Variants in PCDH9 observed in about 807,000 individuals in gnomAD.
PCDH9 encodes the protein protocadherin 9, also known as protocadherin-9.
Under a neutral mutation model 70.6 loss-of-function variants are expected in PCDH9, and 24 were observed. That is an observed-to-expected ratio of 0.34 (90% CI 0.25 to 0.48). The LOEUF is 0.48. Ranked by LOEUF, PCDH9 falls within the 20% of genes least tolerant of loss-of-function variation. The probability of loss-of-function intolerance (pLI) is 0.99; values close to 1 mark genes in which losing one functional copy is unlikely to be tolerated. For synonymous variants in PCDH9, 562 were observed against 558.5 expected (o/e 1.01, Z -0.09); for missense variants, 1,281 against 1,503.6 (o/e 0.85, Z 2.45).
At position 66,679,529 on chromosome 13, in the gene PCDH9, G is replaced by A. The variant is rs370188171; in HGVS notation, c.3139-48118C>T. Among the ~76,000 whole-genome samples, 21 of 151,830 alleles carry A rather than the reference G, an allele frequency of 1.4e-4. 1 individual carries two copies. In the East Asian group the frequency reaches 3.1e-3, roughly 22 times the overall value. ...TCAACTCAATATAACCTTCTCATGTGTGTTTAATTTTTTTTTGCTCCAAAT... is the reference window on the plus strand; with the variant it reads ...TCAACTCAATATAACCTTCTCATGTATGTTTAATTTTTTTTTGCTCCAAAT... On this transcript the variant is annotated intron_variant, in intron 3 of 4. Transcript: ENST00000377865.
chr13:66,581,920 A>C (rs556910678), intron 4 of PCDH9, among the ~76,000 whole-genome samples: 8 of 152,304 alleles, frequency 5.3e-5, no homozygotes, highest in African/African-American at 1.9e-4. Flanking sequence ...ATGACTATTC[A>C]TATGGATATG....
At chr13:66,942,463 A>C (rs1256338345) in intron 2 of PCDH9, among the ~76,000 whole-genome samples, 3 of 151,968 alleles carry the variant, frequency 2.0e-5, no homozygotes, top group African/African-American at 7.2e-5. Flanking sequence ...AAAACAAAGA[A>C]ATGTTCCAAT....
At chr13:67,043,242 T>C (rs913874484) in intron 2 of PCDH9, among the ~76,000 whole-genome samples, 5 of 152,148 alleles carry the variant, frequency 3.3e-5, no homozygotes, top group South Asian at 2.1e-4. Context: ...AGCTTGGAGA[T>C]TGTATTGCTG....
intron 3 of PCDH9, among the ~76,000 whole-genome samples, chr13:66,809,016 C>G (rs887573320): frequency 6.6e-6 from 1 of 152,154 alleles, no homozygotes; most frequent in African/African-American, 2.4e-5. Context: ...GGCGCTATCT[C>G]GGCTCACTGC....
chr13:67,179,236 T>C (rs1392916806), intron 2 of PCDH9, among the ~76,000 whole-genome samples: 1 of 152,084 alleles, frequency 6.6e-6, no homozygotes, highest in Non-Finnish European at 1.5e-5. Context: ...TAGTTATTGT[T>C]CAATGCCCAT....
intron 4 of PCDH9, among the ~76,000 whole-genome samples, chr13:66,500,608 A>G (rs1353563652): frequency 6.6e-6 from 1 of 152,024 alleles, no homozygotes; most frequent in African/African-American, 2.4e-5. Flanking sequence ...TTTTGTTGGT[A>G]TTATCCACAA....
At chr13:67,147,660 C>T (rs1020611412) in intron 2 of PCDH9, among the ~76,000 whole-genome samples, 1 of 152,090 alleles carries the variant, frequency 6.6e-6, no homozygotes, top group Non-Finnish European at 1.5e-5. Flanking sequence ...TGGAATAAGG[C>T]CAGGGAATTT....
At chr13:66,619,568 C>T (rs988917622) in intron 4 of PCDH9, among the ~76,000 whole-genome samples, 5 of 152,108 alleles carry the variant, frequency 3.3e-5, no homozygotes. Context: ...TACAACTTTT[C>T]AGTACCTATT....
chr13:66,570,532 A>T (rs1463569831), intron 4 of PCDH9, among the ~76,000 whole-genome samples: 1 of 152,174 alleles, frequency 6.6e-6, no homozygotes, highest in Non-Finnish European at 1.5e-5. Flanking sequence ...ACCATTGTGT[A>T]AACTAGGAAA....
intron 4 of PCDH9, among the ~76,000 whole-genome samples, chr13:66,565,472 C>G (rs1283759546): frequency 6.6e-6 from 1 of 152,148 alleles, no homozygotes; most frequent in East Asian, 1.9e-4. Context: ...GTAGTGGGAT[C>G]ACAGTAACCA....
chr13:66,703,730 T>TA (rs887310176), intron 3 of PCDH9, among the ~76,000 whole-genome samples: 37 of 147,972 alleles, frequency 2.5e-4, no homozygotes, highest in Admixed American at 8.1e-4. Context: ...CCCCCGTCTC[T>TA]AAAAAAAAAA....
chr13:66,993,293 A>G lies in PCDH9; in HGVS notation c.3037-89688T>C, dbSNP rs188370731. ...AAAATGGTTGTATTTATTTTCCTGA[A>G]TTTACCTGATATTTACTTGGGATAC... On this transcript the variant is annotated intron_variant, in intron 2 of 4. Transcript: ENST00000377865. 7.3e-3 allele frequency among the ~76,000 whole-genome samples: 1,111 copies of G among 152,324 alleles called. 16 individuals are homozygous for G. The highest frequency in any genetic ancestry group is 0.054 in the Middle Eastern group (16 of 294).
chr13:66,569,752 T>C (rs1295678113), intron 4 of PCDH9, among the ~76,000 whole-genome samples: 4 of 152,116 alleles, frequency 2.6e-5, no homozygotes, highest in African/African-American at 9.7e-5. Flanking sequence ...TAAGTATTAA[T>C]TGAAGACAAC....
chr13:67,051,357 C>G (rs1319287198), intron 2 of PCDH9, among the ~76,000 whole-genome samples: 1 of 142,996 alleles, frequency 7.0e-6, no homozygotes, highest in Admixed American at 7.2e-5. Flanking sequence ...TTCAAAAAAG[C>G]GAAATACCAG....
At chr13:66,622,934 G>C (rs1330437131) in intron 4 of PCDH9, among the ~76,000 whole-genome samples, 2 of 152,094 alleles carry the variant, frequency 1.3e-5, no homozygotes, top group Non-Finnish European at 1.5e-5. Context: ...TGAAGCCAGC[G>C]AGACCACGAA....
At chr13:66,437,379 T>C (rs1223460890) in intron 4 of PCDH9, among the ~76,000 whole-genome samples, 44 of 105,392 alleles carry the variant, frequency 4.2e-4, no homozygotes, top group African/African-American at 1.6e-3. Context: ...CACTCCAGCC[T>C]GGGTGACAGA....
At position 67,033,907 on chromosome 13, in the gene PCDH9, A is replaced by C. The variant is rs74093557; in HGVS notation, c.3037-130302T>G. ...TTCACGGAAGACAGTGAGGATGAGG[A>C]AGAGATTCAGACTCTGAAATTCTTT... On this transcript the variant is annotated intron_variant, in intron 2 of 4. Transcript: ENST00000377865. 4.9e-3 allele frequency among the ~76,000 whole-genome samples: 752 copies of C among 152,328 alleles called. 3 individuals carry two copies. Among genetic ancestry groups the C allele is most frequent in the African/African-American group, 0.017 (697 of 41,584 alleles).
intron 2 of PCDH9, among the ~76,000 whole-genome samples, chr13:67,180,838 C>CATTT (rs2088595902): frequency 6.6e-6 from 1 of 152,152 alleles, no homozygotes; most frequent in Non-Finnish European, 1.5e-5. Flanking sequence ...ACTCCCTGAA[C>CATTT]ATTTCTCACT....
rs143974094 is a variant in PCDH9, at chr13:66,687,659, G to A, written c.3139-56248C>T. ...CAAGATAAATATGCTTTGGATGAAT[G>A]AGTAGATATGCAAACCCAAGTAAAG... is the stretch of plus-strand genomic sequence containing the variant. On this transcript the variant is annotated intron_variant, in intron 3 of 4. Transcript: ENST00000377865. 9.9e-4 allele frequency among the ~76,000 whole-genome samples: 150 copies of A among 152,194 alleles called. 5 individuals carry two copies. The East Asian group carries it at 0.027, about 27-fold the overall frequency.
Sources: allele counts gnomAD v4.1 joint callset (sites outside exome capture counted in the v4.1 genomes callset), GRCh38; gene constraint gnomAD v4.1.1; transcripts MANE v1.5; gene names NCBI Gene and HGNC (gene_info 2026-07-23, HGNC 2026-07-21).